A1CF: variants seen among roughly 807,000 people sequenced by gnomAD.
A1CF encodes APOBEC1 complementation factor.
A neutral mutation model predicts 68.9 loss-of-function variants in A1CF; 48 were observed. That is an observed-to-expected ratio of 0.70 (90% CI 0.55 to 0.89). The LOEUF is 0.89. A1CF is among the 40% of genes least tolerant of loss of function. A1CF has a pLI of 0.00. For synonymous variants in A1CF, 272 were observed against 260.4 expected (o/e 1.04, Z -0.43); for missense variants, 653 against 718.9 (o/e 0.91, Z 1.05).
At chr10:50,816,324 A>T (rs1200433083) in intron 8 of A1CF, 45 bp from the exon 9 acceptor site, 1 of 1,592,532 alleles carries the variant, frequency 6.3e-7, no homozygotes, top group East Asian at 2.2e-5. Flanking sequence ...TGATATGAAG[A>T]TAACCAAGTG....
chr10:50,822,746 A>T (rs559130522), intron 7 of A1CF: 33 of 152,322 alleles, frequency 2.2e-4, no homozygotes, highest in African/African-American at 7.9e-4. Context: ...CATTCCTTTC[A>T]GTGTCACATG....
chr10:50,838,475 C>T (rs952275430), intron 5 of A1CF, among the ~76,000 whole-genome samples: 3 of 152,046 alleles, frequency 2.0e-5, no homozygotes, highest in Non-Finnish European at 4.4e-5. Flanking sequence ...GGGGGCTGGT[C>T]ATATATCAGT....
At position 50,810,111 on chromosome 10, in the gene A1CF, C is replaced by G; in HGVS notation, c.1461-69G>C. ...AACTGAGTCAGGTGAAAACTTAAGG[C>G]ACTATCAGCTTTGTAAGATGACTGG... is the stretch of plus-strand genomic sequence containing the variant. On this transcript the variant is annotated intron_variant, in intron 11 of 12. Coordinates refer to ENST00000373997, the MANE Select transcript of A1CF (RefSeq NM_014576.4). 2.6e-6 allele frequency: 4 copies of G among 1,568,452 alleles called. No individual in the cohort carries two copies. The South Asian group carries it at 4.6e-5, about 18-fold the overall frequency.
chr10:50,828,438 T>C, intron 6 of A1CF, 143 bp from the exon 7 acceptor site: 1 of 546,786 alleles, frequency 1.8e-6, no homozygotes. Context: ...TGAGTGTTGA[T>C]CTTAAGAGAC....
At chr10:50,819,680 A>G (rs1838552138) in intron 8 of A1CF, among the ~76,000 whole-genome samples, 1 of 152,002 alleles carries the variant, frequency 6.6e-6, no homozygotes, top group African/African-American at 2.4e-5. Flanking sequence ...GTTACTCCAC[A>G]TTTTCCTGTT....
At chr10:50,828,392 G>C in intron 6 of A1CF, 97 bp from the exon 7 acceptor site, 6 of 1,012,826 alleles carry the variant, frequency 5.9e-6, no homozygotes, top group Non-Finnish European at 8.3e-6. Flanking sequence ...CCTGACCCTT[G>C]AGGTCTTGAA....
intron 6 of A1CF, among the ~76,000 whole-genome samples, chr10:50,829,275 T>C (rs1839125548): frequency 6.6e-6 from 1 of 152,108 alleles, no homozygotes; most frequent in Non-Finnish European, 1.5e-5. Flanking sequence ...CCCTACGCAG[T>C]GCAGATCTTG....
intron 3 of A1CF, among the ~76,000 whole-genome samples, chr10:50,844,563 A>C (rs10821878): frequency 0.99 from 150,312 of 152,156 alleles, 74,277 homozygotes; most frequent in East Asian, 1. Flanking sequence ...TTATTGTTAA[A>C]CGTAGTCATC....
chr10:50,850,587 A>G (rs1335934655), intron 3 of A1CF: 18 of 1,522,394 alleles, frequency 1.2e-5, no homozygotes, highest in African/African-American at 5.9e-5. Flanking sequence ...GAAAACAAAA[A>G]GCATTTGTGT....
intron 6 of A1CF, 69 bp downstream of exon 6, chr10:50,836,005 G>A (rs745642022): frequency 1.4e-5 from 20 of 1,396,864 alleles, no homozygotes; most frequent in Non-Finnish European, 1.8e-5. Context: ...AATTAAAAAT[G>A]CTTATTTTCT....
intron 3 of A1CF, among the ~76,000 whole-genome samples, chr10:50,845,655 T>C (rs1017103453): frequency 1.3e-5 from 2 of 152,162 alleles, no homozygotes; most frequent in Non-Finnish European, 2.9e-5. Context: ...GATACATACA[T>C]TAAAATATTC....
At position 50,806,490 on chromosome 10, in the gene A1CF, T is replaced by A; in HGVS notation, c.*239A>T. 1 of 275,714 alleles carries A rather than the reference T, an allele frequency of 3.6e-6. No homozygotes were observed. The highest frequency in any genetic ancestry group is 6.6e-6 in the Non-Finnish European group (1 of 151,160). The allele number at this position is 275,714 out of a possible 1,614,324, so 17.1% of individuals were successfully genotyped here. On this transcript the variant is annotated 3_prime_UTR_variant, in exon 13 of 13. Transcript: ENST00000373997. ...CTCAGGAAGACTGGAAGAACAACTT[T>A]TGGGGCAGTGGCTCTCCAGCTTTCT...
rs556681289 is a variant in A1CF, at chr10:50,805,305, TG to T, written c.*1423del. ...CTAGTACTGTGTCTTAAACCACTAA[TG>T]AGATTGATGTAGGAGTAACAGGTAT... On this transcript the variant is annotated 3_prime_UTR_variant, in exon 13 of 13. Transcript: ENST00000373997. 12 of 152,264 alleles carry T rather than the reference TG, an allele frequency of 7.9e-5. No homozygotes were observed. The South Asian group carries it at 2.3e-3, about 29-fold the overall frequency. The allele number at this position is 152,264 out of a possible 1,614,324, so 9.4% of individuals were successfully genotyped here.
chr10:50,856,463 C>T (rs10821887), intron 3 of A1CF, among the ~76,000 whole-genome samples: 68,774 of 151,852 alleles, frequency 0.45, 16,376 homozygotes, highest in Middle Eastern at 0.56. Context: ...TCAACAGTCA[C>T]GCTGCTAGTC....
chr10:50,882,272 C>T (rs1183918637), intron 1 of A1CF, among the ~76,000 whole-genome samples: 1 of 151,942 alleles, frequency 6.6e-6, no homozygotes, highest in Middle Eastern at 3.2e-3. Flanking sequence ...CCCGTCTCTA[C>T]TAAAAATACA....
rs913337992 is a variant in A1CF, at chr10:50,836,181, A to G, written c.497T>C (p.Val166Ala). The change falls in exon 6 of 13, where the codon GTC becomes GCC. Residue 166 changes from valine to alanine, a missense_variant. Val to Ala is a moderately conservative substitution (Grantham distance 64, BLOSUM62 0). Transcript: ENST00000373997. ...MKKVTEGVVD[V>A]IVYPSAADKT... The stretch of plus-strand genomic sequence containing the variant: ...ATCTGCAGCGCTTGGGTAGACGATG[A>G]CATCGACAACACCTTCAGTAACCTT... 1.9e-6 allele frequency: 3 copies of G among 1,614,000 alleles called. No homozygotes were observed. The highest frequency in any genetic ancestry group is 3.3e-4 in the Middle Eastern group (2 of 6,056).
rs183124169 is a variant in A1CF, at chr10:50,819,654, A to G, written c.867+898T>C. Among the ~76,000 whole-genome samples, 264 of 152,268 alleles carry G rather than the reference A, an allele frequency of 1.7e-3. 3 individuals carry two copies. The highest frequency in any genetic ancestry group is 3.3e-3 in the South Asian group (16 of 4,824). On this transcript the variant is annotated intron_variant, in intron 8 of 12. Coordinates refer to ENST00000373997, the MANE Select transcript of A1CF (RefSeq NM_014576.4). Reference sequence around the variant, plus strand: ...CGATAGGTAACACAGTCCCACGTGCATTATGTTCCAGCCAAGTTACTCCAC... The same window carrying G: ...CGATAGGTAACACAGTCCCACGTGCGTTATGTTCCAGCCAAGTTACTCCAC...
chr10:50,870,008 CT>C (rs1841173767), intron 1 of A1CF, among the ~76,000 whole-genome samples: 1 of 151,534 alleles, frequency 6.6e-6, no homozygotes, highest in Non-Finnish European at 1.5e-5. Flanking sequence ...AGTTTCTATT[CT>C]TGTTTTTCTT....
Position 50,878,849 on chromosome 10 carries a change from G to A in A1CF, c.-94+6732C>T, listed in dbSNP as rs561117428. On this transcript the variant is annotated intron_variant, in intron 1 of 12. Coordinates refer to ENST00000373997, the MANE Select transcript of A1CF (RefSeq NM_014576.4). ...ACATGGATGAATTAGTATGTTGCAA[G>A]TGTGATACTCAAATGACTTTACTAA... is the stretch of plus-strand genomic sequence containing the variant. 2.6e-5 allele frequency among the ~76,000 whole-genome samples: 4 copies of A among 152,304 alleles called. No individual in the cohort carries two copies. In the South Asian group the frequency reaches 8.3e-4, roughly 32 times the overall value.
Sources: gnomAD v4.1 joint callset for allele counts (sites outside exome capture counted in the v4.1 genomes callset) on GRCh38, gnomAD v4.1.1 for gene constraint, MANE v1.5 for transcripts, NCBI Gene and HGNC (gene_info 2026-07-23, HGNC 2026-07-21) for gene names.